Variants in RAB3GAP2 observed in about 807,000 individuals in gnomAD.
The protein encoded by RAB3GAP2 is RAB3 GTPase activating non-catalytic protein subunit 2.
A neutral mutation model predicts 185.3 loss-of-function variants in RAB3GAP2; 87 were observed. The observed-to-expected ratio is 0.47, with a 90% confidence interval of 0.39 to 0.56. The LOEUF (loss-of-function observed/expected upper bound fraction) is 0.56. RAB3GAP2 is among the 20% of genes least tolerant of loss of function. The pLI, the probability that RAB3GAP2 is intolerant of heterozygous loss-of-function variation, is 0.00. For synonymous variants in RAB3GAP2, 554 were observed against 576.1 expected (o/e 0.96, Z 0.55); for missense variants, 1,492 against 1,638.2 (o/e 0.91, Z 1.54).
In RAB3GAP2 at chr1:220,184,046, A is replaced by C. The variant is rs1216462052; in HGVS notation, c.1988T>G (p.Phe663Cys). Residue 663 changes from phenylalanine to cysteine, a missense_variant, in exon 19 of 35, where the codon TTC becomes TGC. By Grantham distance (205) the Phe-to-Cys change is radical. This residue lies in a region of RAB3GAP2 where 681 missense variants were observed against 689.1 expected (regional missense o/e 0.99). Coordinates refer to ENST00000358951, the MANE Select transcript of RAB3GAP2 (RefSeq NM_012414.4). ...TGTGGGATTACTCACATTATCAGAG[A>C]ATGGTGTGTCTAAATGAAAATCAAG... ...NSLDFHLDTP[F>C]SDNDLALLLR... is the part of the protein sequence containing the mutation. The C allele has an allele frequency of 3.8e-6, 6 of 1,571,478 alleles. No individual in the cohort carries two copies. The highest frequency in any genetic ancestry group is 8.7e-7 in the Non-Finnish European group (1 of 1,143,886).
chr1:220,197,264 C>T (rs917466582), intron 9 of RAB3GAP2, among the ~76,000 whole-genome samples: 1 of 152,070 alleles, frequency 6.6e-6, no homozygotes, highest in Non-Finnish European at 1.5e-5. Flanking sequence ...TTGGGATTAC[C>T]GGTGTGAGCC....
In RAB3GAP2 at chr1:220,202,077, A is replaced by T. The variant is rs112529023; in HGVS notation, c.811+199T>A. Among the ~76,000 whole-genome samples the T allele has an allele frequency of 0.082, 12,477 of 151,966 alleles. 710 individuals are homozygous for T. Among genetic ancestry groups the T allele is most frequent in the African/African-American group, 0.16 (6,576 of 41,418 alleles). ...CTACTTGGGAGGCTGAGGTGGGAGG[A>T]TCACTTGATCCTGGAAGGTGGAGGT... On this transcript the variant is annotated intron_variant, in intron 9 of 34. Coordinates refer to ENST00000358951, the MANE Select transcript of RAB3GAP2 (RefSeq NM_012414.4).
At chr1:220,262,773 G>C (rs1660163896) in intron 1 of RAB3GAP2, among the ~76,000 whole-genome samples, 2 of 152,120 alleles carry the variant, frequency 1.3e-5, no homozygotes, top group African/African-American at 4.8e-5. Flanking sequence ...TATGAACATG[G>C]GTGTGCAAAC....
chr1:220,198,250 G>T (rs1658767337), intron 9 of RAB3GAP2, among the ~76,000 whole-genome samples: 1 of 152,122 alleles, frequency 6.6e-6, no homozygotes. Flanking sequence ...CAAAATAGCT[G>T]ATCATTGCTA....
At chr1:220,263,801 T>C (rs535565406) in intron 1 of RAB3GAP2, among the ~76,000 whole-genome samples, 3 of 152,166 alleles carry the variant, frequency 2.0e-5, no homozygotes, top group South Asian at 2.1e-4. Context: ...TGTACGCTAT[T>C]ATGCCAACAA....
intron 19 of RAB3GAP2, among the ~76,000 whole-genome samples, chr1:220,183,761 C>T (rs1388928726): frequency 6.6e-6 from 1 of 152,070 alleles, no homozygotes; most frequent in African/African-American, 2.4e-5. Flanking sequence ...CTCAGGGATA[C>T]AACCTGCTAG....
intron 1 of RAB3GAP2, among the ~76,000 whole-genome samples, chr1:220,251,759 C>G (rs1254127438): frequency 6.6e-6 from 1 of 152,158 alleles, no homozygotes; most frequent in Admixed American, 6.5e-5. Flanking sequence ...ACTGTTCTTA[C>G]AGCAAAAATA....
intron 1 of RAB3GAP2, chr1:220,253,803 A>C (rs1571930856): frequency 7.4e-6 from 12 of 1,612,182 alleles, no homozygotes; most frequent in Non-Finnish European, 1.0e-5. Context: ...AACTTCAAAA[A>C]GCCAATCAGG....
At chr1:220,181,888 A>G (rs116089705) in intron 21 of RAB3GAP2, among the ~76,000 whole-genome samples, 6,612 of 151,716 alleles carry the variant, frequency 0.044, 318 homozygotes, top group East Asian at 0.22. Context: ...CATCTCCACA[A>G]AAGTAAAAAA....
In RAB3GAP2 at chr1:220,149,090, C is replaced by CTCTT. The variant is rs1379821429; in HGVS notation, c.*2157_*2160dup. On this transcript the variant is annotated 3_prime_UTR_variant, in exon 35 of 35. Transcript: ENST00000358951. Reference sequence around the variant, plus strand: ...AATCTAATTCCTTTATCATCTATGGCTCTTTGTTATTATAGAATGTCTACA... The same window carrying CTCTT: ...AATCTAATTCCTTTATCATCTATGGCTCTTTCTTTGTTATTATAGAATGTCTACA... The CTCTT allele has an allele frequency of 6.6e-6, 1 of 152,114 alleles. No homozygotes were observed. Among genetic ancestry groups the CTCTT allele is most frequent in the Admixed American group, 6.6e-5 (1 of 15,262 alleles). The allele number at this position is 152,114 out of a possible 1,614,324, so 9.4% of individuals were successfully genotyped here.
intron 9 of RAB3GAP2, 51 bp from the exon 10 acceptor site, chr1:220,196,449 A>G: frequency 6.7e-7 from 1 of 1,495,996 alleles, no homozygotes; most frequent in Non-Finnish European, 9.3e-7. Flanking sequence ...TGCGGTCATT[A>G]CATTTTTACT....
chr1:220,196,839 T>A (rs1256938075), intron 9 of RAB3GAP2, among the ~76,000 whole-genome samples: 1 of 151,558 alleles, frequency 6.6e-6, no homozygotes, highest in Middle Eastern at 3.4e-3. Flanking sequence ...CTCAAAAAAA[T>A]AATAATAATA....
At chr1:220,173,611 G>C (rs903627946) in intron 21 of RAB3GAP2, among the ~76,000 whole-genome samples, 1 of 152,228 alleles carries the variant, frequency 6.6e-6, no homozygotes, top group Non-Finnish European at 1.5e-5. Context: ...GCTGTGATAA[G>C]TACGTGACAT....
chr1:220,151,597 T>C lies in RAB3GAP2; in HGVS notation c.4026+9A>G, dbSNP rs978394434. On this transcript the variant is annotated intron_variant, in intron 34 of 34. Coordinates refer to ENST00000358951, the MANE Select transcript of RAB3GAP2 (RefSeq NM_012414.4). The stretch of plus-strand genomic sequence containing the variant: ...GACCTTTTGCCTGATCTCGTTCTAT[T>C]GTACTGACCATTGCTTTCAGCCAAG... The C allele has an allele frequency of 4.4e-6, 7 of 1,605,964 alleles. No homozygotes were observed. Among genetic ancestry groups the C allele is most frequent in the Middle Eastern group, 3.3e-4 (2 of 6,072 alleles).
At chr1:220,249,316 G>A (rs1659886856) in intron 1 of RAB3GAP2, among the ~76,000 whole-genome samples, 1 of 152,162 alleles carries the variant, frequency 6.6e-6, no homozygotes, top group Non-Finnish European at 1.5e-5. Context: ...CCAAGCTGAG[G>A]TGTTCTCGGA....
At chr1:220,196,859 A>G (rs969566093) in intron 9 of RAB3GAP2, among the ~76,000 whole-genome samples, 3 of 151,934 alleles carry the variant, frequency 2.0e-5, no homozygotes, top group Admixed American at 2.0e-4. Context: ...AAATATTAAA[A>G]TTTCCATCTA....
rs183949265 is a variant in RAB3GAP2, at chr1:220,213,286, G to A, written c.305-318C>T. Among the ~76,000 whole-genome samples the A allele has an allele frequency of 1.1e-4, 16 of 151,992 alleles. No individual in the cohort carries two copies. In the East Asian group the frequency reaches 2.5e-3, roughly 24 times the overall value. On this transcript the variant is annotated intron_variant, in intron 3 of 34. Transcript: ENST00000358951. Reference sequence around the variant, plus strand: ...AAGACTACTTTTATCATCAGATGACGGAGAAAATTTTTCTACTAGATCTTT... The same window carrying A: ...AAGACTACTTTTATCATCAGATGACAGAGAAAATTTTTCTACTAGATCTTT...
chr1:220,200,746 G>C (rs1658838500), intron 9 of RAB3GAP2: 1 of 451,906 alleles, frequency 2.2e-6, no homozygotes. Context: ...TTTTATTACA[G>C]AGTATTCCAT....
At chr1:220,166,228 T>C (rs1344725514) in intron 26 of RAB3GAP2, among the ~76,000 whole-genome samples, 2 of 152,212 alleles carry the variant, frequency 1.3e-5, no homozygotes, top group Non-Finnish European at 2.9e-5. Flanking sequence ...TCATAATGTC[T>C]TCCTTTAATA....
Sources: allele counts gnomAD v4.1 joint callset (sites outside exome capture counted in the v4.1 genomes callset), GRCh38; gene constraint gnomAD v4.1.1; regional missense constraint gnomAD v4.1.1; transcripts MANE v1.5; gene names NCBI Gene and HGNC (gene_info 2026-07-23, HGNC 2026-07-21).